The following TBK1 variants were observed in gnomAD, a reference collection of about 807,000 sequenced individuals.
TBK1 encodes the protein TANK binding kinase 1, also known as serine/threonine-protein kinase TBK1.
A neutral mutation model predicts 99.9 loss-of-function variants in TBK1; 37 were observed. That is an observed-to-expected ratio of 0.37 (90% CI 0.28 to 0.49). TBK1 has a LOEUF of 0.49. Ranked by LOEUF, TBK1 falls within the 20% of genes least tolerant of loss-of-function variation. The pLI, the probability that TBK1 is intolerant of heterozygous loss-of-function variation, is 0.98. For missense variants in TBK1, 644 were observed against 872.5 expected, an observed-to-expected ratio of 0.74 and a Z score of 3.30; for synonymous variants, 258 against 279.8, an observed-to-expected ratio of 0.92 and a Z score of 0.78.
At chr12:64,465,242 C>CAAAAAAAAAAAAAAAAA (rs57575805) in intron 4 of TBK1, among the ~76,000 whole-genome samples, 1 of 57,914 alleles carries the variant, frequency 1.7e-5, no homozygotes, top group African/African-American at 7.9e-5. Context: ...AAGACTATCT[C>CAAAAAAAAAAAAAAAAA]AAAAAAAAAA....
intron 2 of TBK1, among the ~76,000 whole-genome samples, chr12:64,459,505 A>T (rs1243936021): frequency 6.6e-6 from 1 of 152,198 alleles, no homozygotes; most frequent in East Asian, 1.9e-4. Context: ...ACATCAGTAG[A>T]GAAGAAGAAA....
In TBK1 at chr12:64,467,428, A is replaced by G. The variant is rs558341583; in HGVS notation, c.540+346A>G. On this transcript the variant is annotated intron_variant, in intron 5 of 20. Coordinates refer to ENST00000331710, the MANE Select transcript of TBK1 (RefSeq NM_013254.4). ...TATTCATTATATTTATGAAACAGAT[A>G]ATTCTATTTGGGGGAGTTGGTTATT... Among the ~76,000 whole-genome samples, 13 of 152,234 alleles carry G rather than the reference A, an allele frequency of 8.5e-5. No individual in the cohort carries two copies. The South Asian group carries it at 2.7e-3, about 32-fold the overall frequency.
intron 13 of TBK1, among the ~76,000 whole-genome samples, chr12:64,491,829 G>A (rs1352543795): frequency 1.3e-5 from 2 of 152,162 alleles, no homozygotes; most frequent in African/African-American, 4.8e-5. Context: ...ACAACTAGTA[G>A]GTTATGAAGT....
rs141573698 is a variant in TBK1 at position 64,498,864 on chromosome 12, G to A, written c.2138+825G>A. Among the ~76,000 whole-genome samples, 836 of 150,924 alleles carry A rather than the reference G, an allele frequency of 5.5e-3. 9 individuals carry two copies. The highest frequency in any genetic ancestry group is 0.019 in the African/African-American group (761 of 41,092). On this transcript the variant is annotated intron_variant, in intron 20 of 20. Coordinates refer to ENST00000331710, the MANE Select transcript of TBK1 (RefSeq NM_013254.4). The stretch of plus-strand genomic sequence containing the variant: ...CCAGCTACTGGGGAGGCTGAGGCAC[G>A]AGAATCACCTGAATCTGGGAGATGG...
intron 6 of TBK1, among the ~76,000 whole-genome samples, chr12:64,479,317 C>G (rs2040744334): frequency 6.6e-6 from 1 of 152,168 alleles, no homozygotes; most frequent in Non-Finnish European, 1.5e-5. Flanking sequence ...AGATAGTTGT[C>G]ACATGAACAC....
chr12:64,496,361 T>A lies in TBK1; in HGVS notation c.1721-6T>A. 8.5e-7 allele frequency: 1 copy of A among 1,172,150 alleles called. No individual in the cohort carries two copies. Among genetic ancestry groups the A allele is most frequent in the Non-Finnish European group, 1.2e-6 (1 of 825,790 alleles). The allele number at this position is 1,172,150 out of a possible 1,614,324, so 72.6% of individuals were successfully genotyped here. On this transcript the variant is annotated splice_polypyrimidine_tract_variant and splice_region_variant and intron_variant, in intron 15 of 20. Coordinates refer to ENST00000331710, the MANE Select transcript of TBK1 (RefSeq NM_013254.4). ...TAACAACAGTAATATATTTTCCTAT[T>A]TCTAGGATTAGCTTATAATGAAGAA... is the stretch of plus-strand genomic sequence containing the variant.
intron 1 of TBK1, among the ~76,000 whole-genome samples, chr12:64,454,088 T>C (rs1387371341): frequency 1.3e-5 from 2 of 152,238 alleles, no homozygotes; most frequent in Non-Finnish European, 2.9e-5. Context: ...AAGTAATTTT[T>C]CCTATATTTG....
chr12:64,457,563 C>T (rs2040502722), intron 2 of TBK1, among the ~76,000 whole-genome samples: 3 of 152,098 alleles, frequency 2.0e-5, no homozygotes, highest in South Asian at 2.1e-4. Context: ...AGCTAATGTG[C>T]GGTTAGCTAT....
intron 20 of TBK1, among the ~76,000 whole-genome samples, chr12:64,498,782 C>T (rs944738906): frequency 1.3e-5 from 2 of 151,906 alleles, no homozygotes; most frequent in African/African-American, 4.8e-5. Context: ...ATGGCAAAAC[C>T]CTGTCTCTAC....
intron 4 of TBK1, 53 bp from the exon 5 acceptor site, chr12:64,466,848 C>T: frequency 1.5e-6 from 2 of 1,379,280 alleles, no homozygotes; most frequent in Non-Finnish European, 9.6e-7. Flanking sequence ...GAGACATGCA[C>T]ACATACACGT....
rs780177120 is a variant in TBK1, at chr12:64,480,103, G to C, written c.793G>C (p.Val265Leu). 2 of 1,611,298 alleles carry C rather than the reference G, an allele frequency of 1.2e-6. No individual in the cohort carries two copies. Among genetic ancestry groups the C allele is most frequent in the Admixed American group, 3.4e-5 (2 of 59,678 alleles). The change falls in exon 7 of 21, where the codon GTT becomes CTT. Residue 265 changes from valine (V) to leucine (L), a missense_variant. Around this residue, in one of 3 missense-constraint regions of TBK1, gnomAD observed 465 missense variants for 588.0 expected, o/e 0.79. Coordinates refer to ENST00000331710, the MANE Select transcript of TBK1 (RefSeq NM_013254.4). ...GPIDWSGDMP[V>L]SCSLSRGLQV... ...AATTGACTGGAGTGGAGACATGCCT[G>C]TTTCTTGCAGTCTTTCTCGGTAAGT...
At chr12:64,500,753 C>CTTTTTT (rs1009756107) in intron 20 of TBK1, among the ~76,000 whole-genome samples, 6 of 98,962 alleles carry the variant, frequency 6.1e-5, no homozygotes, top group Admixed American at 1.4e-4. Flanking sequence ...AACTCGGTAT[C>CTTTTTT]TTTTTTTTTT....
At chr12:64,472,914 C>T (rs2040676315) in intron 5 of TBK1, among the ~76,000 whole-genome samples, 1 of 152,142 alleles carries the variant, frequency 6.6e-6, no homozygotes, top group Non-Finnish European at 1.5e-5. Flanking sequence ...GTAATATGTC[C>T]TATGTGTAAG....
At chr12:64,453,092 T>C (rs558102498) in intron 1 of TBK1, among the ~76,000 whole-genome samples, 2 of 152,372 alleles carry the variant, frequency 1.3e-5, no homozygotes, top group African/African-American at 4.8e-5. Context: ...TGTCTGCTTA[T>C]ATGCTTGTCA....
intron 5 of TBK1, among the ~76,000 whole-genome samples, chr12:64,469,792 C>CTT (rs556120101): frequency 8.0e-5 from 12 of 149,098 alleles, no homozygotes; most frequent in Admixed American, 2.0e-4. Flanking sequence ...TCACCCAGTA[C>CTT]TTTTTTTTTT....
chr12:64,468,056 C>T (rs566777749), intron 5 of TBK1, among the ~76,000 whole-genome samples: 64 of 152,102 alleles, frequency 4.2e-4, no homozygotes, highest in African/African-American at 1.4e-3. Context: ...GGCATGGTGG[C>T]GCACATCTGT....
At chr12:64,475,644 C>T (rs1385588165) in intron 6 of TBK1, among the ~76,000 whole-genome samples, 2 of 152,180 alleles carry the variant, frequency 1.3e-5, no homozygotes, top group Non-Finnish European at 2.9e-5. Context: ...CATTAGTTCA[C>T]TTAGGATAAA....
chr12:64,492,904 T>G (rs1319070318), intron 13 of TBK1, among the ~76,000 whole-genome samples: 2 of 150,236 alleles, frequency 1.3e-5, no homozygotes, highest in South Asian at 4.2e-4. Context: ...TTTGTTTTTT[T>G]TTTTTTTTTT....
At position 64,458,604 on chromosome 12, in the gene TBK1, T is replaced by C. The variant is rs144574635; in HGVS notation, c.88-1585T>C. On this transcript the variant is annotated intron_variant, in intron 2 of 20. Transcript: ENST00000331710. ...ACTGTGTAGGTGAATAAAGGGAAAA[T>C]AGTACGTTTCCACCTGGATCCCGAT... 2.6e-5 allele frequency among the ~76,000 whole-genome samples: 4 copies of C among 151,942 alleles called. No homozygotes were observed. The East Asian group carries it at 7.7e-4, about 29-fold the overall frequency.
Sources: gnomAD v4.1 joint callset for allele counts (sites outside exome capture counted in the v4.1 genomes callset) on GRCh38, gnomAD v4.1.1 for gene constraint, gnomAD v4.1.1 regional missense constraint, MANE v1.5 for transcripts, NCBI Gene and HGNC (gene_info 2026-07-23, HGNC 2026-07-21) for gene names.